OR1J2: variants seen among roughly 807,000 people sequenced by gnomAD.
The protein encoded by OR1J2 is olfactory receptor 1J2.
For missense variants in OR1J2, 304 were observed against 246.1 expected, an observed-to-expected ratio of 1.24 and a Z score of -1.57; for synonymous variants, 142 against 99.7, an observed-to-expected ratio of 1.42 and a Z score of -2.52.
chr9:122,568,251 G>C, the OR1J2 span: 16 of 1,613,924 alleles, frequency 9.9e-6, no homozygotes, highest in Non-Finnish European at 1.4e-5. Context: ...GACAACGCTT[G>C]TTGTAAAGCA....
At chr9:122,500,392 A>G in the OR1J2 span, among the ~76,000 whole-genome samples, 1 of 152,164 alleles carries the variant, frequency 6.6e-6, no homozygotes, top group Non-Finnish European at 1.5e-5. Context: ...ATGCAGTCAC[A>G]GGGTCCATTT....
At chr9:122,477,404 G>C in the OR1J2 span, 1 of 1,614,072 alleles carries the variant, frequency 6.2e-7, no homozygotes, top group Non-Finnish European at 8.5e-7. Context: ...AAGTAGTGAG[G>C]GATGATGTGG....
chr9:122,527,353 T>A, the OR1J2 span: 1 of 1,029,748 alleles, frequency 9.7e-7, no homozygotes, highest in Admixed American at 2.5e-5. Context: ...CATCTACAAC[T>A]GTGTGGGCTG....
chr9:122,546,982 G>T, the OR1J2 span, among the ~76,000 whole-genome samples: 1 of 151,972 alleles, frequency 6.6e-6, no homozygotes, highest in Admixed American at 6.6e-5. Context: ...CTAGCTACTT[G>T]AAACTATGTA....
At chr9:122,574,721 T>C in the OR1J2 span, among the ~76,000 whole-genome samples, 40 of 152,244 alleles carry the variant, frequency 2.6e-4, no homozygotes, top group African/African-American at 8.7e-4. Context: ...ATTTCCAGTA[T>C]GATGTTGAAA....
chr9:122,495,446 T>A, the OR1J2 span, among the ~76,000 whole-genome samples: 4 of 152,120 alleles, frequency 2.6e-5, no homozygotes, highest in Admixed American at 1.3e-4. Flanking sequence ...CTTTGAGCCC[T>A]GAAGTTCTTT....
chr9:122,475,585 A>G, the OR1J2 span: 1 of 152,202 alleles, frequency 6.6e-6, no homozygotes, highest in African/African-American at 2.4e-5. Flanking sequence ...TTAGATCCAC[A>G]TTAGATTGAG....
At chr9:122,563,710 C>T in the OR1J2 span, among the ~76,000 whole-genome samples, 2 of 152,214 alleles carry the variant, frequency 1.3e-5, no homozygotes, top group Non-Finnish European at 2.9e-5. Flanking sequence ...TAAAGCATTT[C>T]CCCTATGGCT....
the OR1J2 span, among the ~76,000 whole-genome samples, chr9:122,558,144 C>T: frequency 6.6e-6 from 1 of 151,306 alleles, no homozygotes; most frequent in Non-Finnish European, 1.5e-5. Flanking sequence ...TTTTATTGAT[C>T]TTTTCAAAGA....
At chr9:122,580,228 C>G in the OR1J2 span, among the ~76,000 whole-genome samples, 1 of 152,144 alleles carries the variant, frequency 6.6e-6, no homozygotes, top group African/African-American at 2.4e-5. Flanking sequence ...ACATAGGACA[C>G]CTTCCACGTC....
the OR1J2 span, among the ~76,000 whole-genome samples, chr9:122,570,368 T>G: frequency 6.6e-6 from 1 of 152,230 alleles, no homozygotes; most frequent in Non-Finnish European, 1.5e-5. Context: ...CAGCAGTATA[T>G]TCTTTTACAC....
the OR1J2 span, among the ~76,000 whole-genome samples, chr9:122,518,281 A>G: frequency 6.6e-6 from 1 of 152,314 alleles, no homozygotes; most frequent in South Asian, 2.1e-4. Context: ...TTACTGTATT[A>G]TTTAGTTTAC....
At chr9:122,487,983 T>C in the OR1J2 span, among the ~76,000 whole-genome samples, 5 of 152,222 alleles carry the variant, frequency 3.3e-5, no homozygotes, top group Non-Finnish European at 7.3e-5. Context: ...TTTGACAATG[T>C]CTCAAAAGTA....
At chr9:122,473,970 T>C in the OR1J2 span, among the ~76,000 whole-genome samples, 2 of 152,218 alleles carry the variant, frequency 1.3e-5, no homozygotes, top group African/African-American at 2.4e-5. Context: ...ATCTGTGCGA[T>C]TGCTAATACT....
chr9:122,481,086 G>T, the OR1J2 span, among the ~76,000 whole-genome samples: 347 of 152,176 alleles, frequency 2.3e-3, no homozygotes, highest in African/African-American at 8.0e-3. Flanking sequence ...GAGCCACTGC[G>T]CCCGGCCCCA....
chr9:122,518,046 T>C, the OR1J2 span, among the ~76,000 whole-genome samples: 3 of 152,168 alleles, frequency 2.0e-5, no homozygotes, highest in Non-Finnish European at 4.4e-5. Context: ...CATGGTCTCA[T>C]TCCTTTTTAT....
chr9:122,448,929 G>A, the OR1J2 span: 3 of 146,566 alleles, frequency 2.0e-5, no homozygotes, highest in Admixed American at 1.4e-4. Context: ...CATACACCCA[G>A]GAGTTTGAGA....
At chr9:122,553,987 TG>T in the OR1J2 span, 1 of 1,613,782 alleles carries the variant, frequency 6.2e-7, no homozygotes, top group South Asian at 1.1e-5. Flanking sequence ...GGGTCTCTTA[TG>T]GGTGTGTATT....
At chr9:122,493,019 G>A in the OR1J2 span, among the ~76,000 whole-genome samples, 6 of 152,096 alleles carry the variant, frequency 3.9e-5, no homozygotes, top group South Asian at 2.1e-4. Context: ...ATTGACTTAC[G>A]TATGTTAAAT....
Sources: allele counts gnomAD v4.1 joint callset (sites outside exome capture counted in the v4.1 genomes callset), GRCh38; gene constraint gnomAD v4.1.1; transcripts MANE v1.5; gene names NCBI Gene and HGNC (gene_info 2026-07-23, HGNC 2026-07-21).